The following SLAIN1 variants were observed in gnomAD, a reference collection of about 807,000 sequenced individuals.
SLAIN1 encodes SLAIN motif-containing protein 1.
SLAIN1 carries 17 observed loss-of-function variants against 55.4 expected under a neutral mutation model. The ratio of observed to expected loss-of-function variants is 0.31; its 90% CI spans 0.21 to 0.46. SLAIN1 has a LOEUF of 0.46. Ranked by LOEUF, SLAIN1 falls within the 20% of genes least tolerant of loss-of-function variation. SLAIN1 has a pLI of 1.00. For synonymous variants in SLAIN1, 348 were observed against 337.4 expected, an observed-to-expected ratio of 1.03 and a Z score of -0.35; for missense variants, 682 against 785.1, an observed-to-expected ratio of 0.87 and a Z score of 1.57.
chr13:77,719,681 A>T lies in SLAIN1; in HGVS notation c.766+10A>T, dbSNP rs773061106. 1.2e-6 allele frequency: 2 copies of T among 1,612,002 alleles called. No homozygotes were observed. Among genetic ancestry groups the T allele is most frequent in the Non-Finnish European group, 1.7e-6 (2 of 1,178,886 alleles). ...TTTAGACTGGAGCAAGGTAATTGTG[A>T]GTGTGTGCATTTACATTCTCCAACT... On this transcript the variant is annotated intron_variant, in intron 2 of 6. Transcript: ENST00000418532.
At chr13:77,742,960 A>G (rs968087480) in intron 2 of SLAIN1, 19 of 1,086,856 alleles carry the variant, frequency 1.7e-5, no homozygotes, top group African/African-American at 1.2e-4. Flanking sequence ...TCCTTCTGAC[A>G]AGTCAACATA....
intron 2 of SLAIN1, among the ~76,000 whole-genome samples, chr13:77,726,620 A>G (rs1435490791): frequency 1.3e-5 from 2 of 152,060 alleles, no homozygotes; most frequent in African/African-American, 2.4e-5. Context: ...GGATTTTGCC[A>G]TGTTGCCCAG....
chr13:77,751,273 A>G (rs1008615335), intron 4 of SLAIN1, among the ~76,000 whole-genome samples: 5 of 152,170 alleles, frequency 3.3e-5, no homozygotes, highest in Admixed American at 3.3e-4. Context: ...ATGATCTTCC[A>G]TGGTTTACCC....
At chr13:77,745,211 ACTCT>A (rs768225799) in intron 3 of SLAIN1, among the ~76,000 whole-genome samples, 14 of 151,538 alleles carry the variant, frequency 9.2e-5, no homozygotes, top group Middle Eastern at 3.4e-3. Context: ...ACAGCTTAAT[ACTCT>A]CTCTATCTCT....
rs1206714106 is a variant in SLAIN1 at position 77,753,376 on chromosome 13, ATATAAT to A, written c.1414+23_1414+28del. 4.0e-6 allele frequency: 5 copies of A among 1,237,556 alleles called. No individual in the cohort carries two copies. The highest frequency in any genetic ancestry group is 2.2e-5 in the South Asian group (1 of 46,250). The allele number at this position is 1,237,556 out of a possible 1,614,324, so 76.7% of individuals were successfully genotyped here. ...ATCTTGTAGTGAGTATAATTATTTG[ATATAAT>A]TATATATTGTATAATTGTATAATTT... On this transcript the variant is annotated intron_variant, in intron 5 of 6. Transcript: ENST00000418532.
At chr13:77,719,797 A>G (rs2154409694) in intron 2 of SLAIN1, 126 bp downstream of exon 2, 1 of 1,014,104 alleles carries the variant, frequency 9.9e-7, no homozygotes, top group Non-Finnish European at 1.5e-6. Context: ...GTTGCATGCA[A>G]TTTGCTTCAC....
chr13:77,756,889 C>G (rs1016125713), intron 5 of SLAIN1, among the ~76,000 whole-genome samples: 2 of 152,050 alleles, frequency 1.3e-5, no homozygotes, highest in Admixed American at 1.3e-4. Flanking sequence ...GGAGTTTTGA[C>G]TAGGAAGAGG....
chr13:77,705,449 C>T (rs1024569570), intron 1 of SLAIN1, among the ~76,000 whole-genome samples: 3 of 151,806 alleles, frequency 2.0e-5, no homozygotes, highest in African/African-American at 7.3e-5. Context: ...TTTTCAGATG[C>T]TCTTGCCAGA....
intron 2 of SLAIN1, among the ~76,000 whole-genome samples, chr13:77,737,697 C>G (rs545007433): frequency 7.2e-5 from 11 of 152,214 alleles, no homozygotes; most frequent in Non-Finnish European, 1.5e-4. Flanking sequence ...CCACATTAAA[C>G]TTAATGTCTC....
At chr13:77,740,250 G>A (rs192817562) in intron 2 of SLAIN1, among the ~76,000 whole-genome samples, 1 of 152,128 alleles carries the variant, frequency 6.6e-6, no homozygotes, top group East Asian at 1.9e-4. Flanking sequence ...GTTTGCTCAG[G>A]GCAGTGTTGG....
At position 77,764,122 on chromosome 13, in the gene SLAIN1, A is replaced by C. The variant is rs1053287538; in HGVS notation, c.*902A>C. 10 of 152,618 alleles carry C rather than the reference A, an allele frequency of 6.6e-5. No individual in the cohort carries two copies. The highest frequency in any genetic ancestry group is 2.4e-4 in the African/African-American group (10 of 41,458). 9.5% of individuals were successfully genotyped at this position (152,618 alleles called of 1,614,324 possible). The stretch of plus-strand genomic sequence containing the variant: ...AAATCTTTTTGATAGACCTTTTACA[A>C]AATCCATTTGCACTAATGAATGCTT... On this transcript the variant is annotated 3_prime_UTR_variant, in exon 7 of 7. Coordinates refer to ENST00000418532, the MANE Select transcript of SLAIN1 (RefSeq NM_001242868.2).
chr13:77,754,173 G>A (rs956652744), intron 5 of SLAIN1, among the ~76,000 whole-genome samples: 12 of 152,116 alleles, frequency 7.9e-5, no homozygotes, highest in Admixed American at 5.9e-4. Flanking sequence ...GCCAAGAGTC[G>A]TCAACCGGAT....
chr13:77,727,638 G>A (rs911959056), intron 2 of SLAIN1, among the ~76,000 whole-genome samples: 17 of 152,202 alleles, frequency 1.1e-4, no homozygotes, highest in African/African-American at 3.4e-4. Flanking sequence ...AACTCCCATC[G>A]CACTGTAGGT....
chr13:77,700,327 A>G (rs2091018470), intron 1 of SLAIN1, among the ~76,000 whole-genome samples: 1 of 152,204 alleles, frequency 6.6e-6, no homozygotes, highest in South Asian at 2.1e-4. Flanking sequence ...AGCAAATCAA[A>G]GTTGAAGCAG....
At position 77,698,486 on chromosome 13, in the gene SLAIN1, A is replaced by C; in HGVS notation, c.573A>C (p.Glu191Asp). 6.9e-7 allele frequency: 1 copy of C among 1,456,826 alleles called. No homozygotes were observed. The highest frequency in any genetic ancestry group is 9.0e-7 in the Non-Finnish European group (1 of 1,110,054). 90.2% of individuals were successfully genotyped at this position (1,456,826 alleles called of 1,614,324 possible). A position where few individuals can be genotyped will look rare whatever the true frequency, so the allele number is the denominator to read the frequency against. The stretch of plus-strand genomic sequence containing the variant: ...CCCCCACGCTGCTGGACGAGGTGGA[A>C]TTGCTGGATCTGGAGAGCGTAGCCG... ...SPPPTLLDEV[E>D]LLDLESVAAW... is the part of the protein sequence containing the mutation. The change falls in exon 1 of 7, where the codon GAA becomes GAC. Residue 191 changes from glutamate (E) to aspartate (D), a missense_variant. Glu to Asp is a conservative substitution (Grantham distance 45). Around this residue, in one of 3 missense-constraint regions of SLAIN1, gnomAD observed 401 missense variants for 417.3 expected, o/e 0.96. Transcript: ENST00000418532. This position sits in a 1 kb window ranked among gnomAD's most constrained non-coding sequence, Gnocchi z 4.1.
chr13:77,753,182 C>A, intron 4 of SLAIN1, 21 bp from the exon 5 acceptor site: 1 of 1,564,462 alleles, frequency 6.4e-7, no homozygotes, highest in Non-Finnish European at 8.6e-7. Flanking sequence ...TCATTTTTAA[C>A]TTAGTAAAAT....
At chr13:77,728,002 C>G (rs185622177) in intron 2 of SLAIN1, among the ~76,000 whole-genome samples, 11 of 152,100 alleles carry the variant, frequency 7.2e-5, no homozygotes, top group Non-Finnish European at 1.5e-5. Context: ...TTTTCTCTAC[C>G]TACAAATACA....
At chr13:77,761,645 A>G (rs1248826133) in intron 6 of SLAIN1, among the ~76,000 whole-genome samples, 1 of 152,222 alleles carries the variant, frequency 6.6e-6, no homozygotes, top group Non-Finnish European at 1.5e-5. Flanking sequence ...CCTCCCACAC[A>G]TTTATGGTTT....
intron 2 of SLAIN1, among the ~76,000 whole-genome samples, chr13:77,736,552 C>T (rs988698253): frequency 5.3e-5 from 8 of 152,212 alleles, no homozygotes; most frequent in African/African-American, 1.9e-4. Flanking sequence ...ACAACAACAA[C>T]AACAAAACAA....
Sources: allele counts gnomAD v4.1 joint callset (sites outside exome capture counted in the v4.1 genomes callset), GRCh38; gene constraint gnomAD v4.1.1; regional missense constraint gnomAD v4.1.1; non-coding constraint Gnocchi (gnomAD v3.1); transcripts MANE v1.5; gene names NCBI Gene and HGNC (gene_info 2026-07-23, HGNC 2026-07-21).